ARHGEF26: variants seen among roughly 807,000 people sequenced by gnomAD.
The protein encoded by ARHGEF26 is Rho guanine nucleotide exchange factor (GEF) 26.
In ARHGEF26, 59 loss-of-function variants were observed where a neutral mutation model predicts 89.4. The ratio of observed to expected loss-of-function variants is 0.66; its 90% CI spans 0.54 to 0.82. ARHGEF26 has a LOEUF of 0.82. Ranked by LOEUF, ARHGEF26 falls within the 40% of genes least tolerant of loss-of-function variation. ARHGEF26 has a pLI of 0.00. For missense variants in ARHGEF26, 1,234 were observed against 1,085.6 expected (o/e 1.14, Z -1.92); for synonymous variants, 500 against 428.4 (o/e 1.17, Z -2.06).
intron 3 of ARHGEF26, among the ~76,000 whole-genome samples, chr3:154,125,151 T>G (rs1425785643): frequency 6.6e-6 from 1 of 152,132 alleles, no homozygotes; most frequent in Admixed American, 6.5e-5. Context: ...GTTAAATTTT[T>G]GTCATGTTTT....
chr3:154,227,311 T>A (rs1347542844), intron 11 of ARHGEF26, among the ~76,000 whole-genome samples: 6 of 151,524 alleles, frequency 4.0e-5, no homozygotes, highest in Non-Finnish European at 8.8e-5. Context: ...TTTTTTTTTT[T>A]TTGAGATAGA....
chr3:154,123,129 T>C, intron 2 of ARHGEF26, 54 bp downstream of exon 2: 1 of 1,600,556 alleles, frequency 6.2e-7, no homozygotes, highest in Non-Finnish European at 8.5e-7. Context: ...AGTAAATGTG[T>C]TGGGAGTGGG....
chr3:154,128,885 T>G (rs1718502091), intron 3 of ARHGEF26, among the ~76,000 whole-genome samples: 1 of 152,254 alleles, frequency 6.6e-6, no homozygotes, highest in Non-Finnish European at 1.5e-5. Context: ...TGTTTCTTCA[T>G]GACACTTATC....
chr3:154,130,602 G>C (rs996825164), intron 4 of ARHGEF26, among the ~76,000 whole-genome samples: 1 of 152,086 alleles, frequency 6.6e-6, no homozygotes, highest in Non-Finnish European at 1.5e-5. Flanking sequence ...GACACCTTTT[G>C]TTTTTTAACT....
At chr3:154,151,913 G>A (rs1446416524) in intron 5 of ARHGEF26, among the ~76,000 whole-genome samples, 1 of 152,160 alleles carries the variant, frequency 6.6e-6, no homozygotes, top group Non-Finnish European at 1.5e-5. Flanking sequence ...GGAAGGCTGT[G>A]AATCTTAGGC....
At chr3:154,216,041 C>T (rs1434412500) in intron 9 of ARHGEF26, among the ~76,000 whole-genome samples, 3 of 152,054 alleles carry the variant, frequency 2.0e-5, no homozygotes, top group Admixed American at 2.0e-4. Context: ...AAGTGTATGA[C>T]CCAGTCTGTT....
At chr3:154,162,328 TTAAG>T (rs772901371) in intron 6 of ARHGEF26, among the ~76,000 whole-genome samples, 7 of 151,900 alleles carry the variant, frequency 4.6e-5, no homozygotes, top group Non-Finnish European at 8.8e-5. Flanking sequence ...GGTTGATGAA[TTAAG>T]TTTCAAAAGC....
At chr3:154,213,270 G>A (rs1715504136) in intron 9 of ARHGEF26, among the ~76,000 whole-genome samples, 1 of 140,644 alleles carries the variant, frequency 7.1e-6, no homozygotes, top group Non-Finnish European at 1.6e-5. Flanking sequence ...TTTGTTCCAG[G>A]CCTAATATAT....
chr3:154,178,713 C>T (rs966499007), intron 6 of ARHGEF26, among the ~76,000 whole-genome samples: 9 of 151,970 alleles, frequency 5.9e-5, no homozygotes, highest in African/African-American at 1.7e-4. Context: ...TTTGTGCTTT[C>T]GATTTTTATT....
At position 154,166,397 on chromosome 3, in the gene ARHGEF26, A is replaced by G. The variant is rs1184149766; in HGVS notation, c.1487+13465A>G. Among the ~76,000 whole-genome samples, 3 of 152,120 alleles carry G rather than the reference A, an allele frequency of 2.0e-5. No individual in the cohort carries two copies. The East Asian group carries it at 5.8e-4, about 29-fold the overall frequency. ...AAGAGTTGCTAGAGGTAGCAAACAT[A>G]TGAATAACCTGAGGATAGGAAGGTA... On this transcript the variant is annotated intron_variant, in intron 6 of 14. Transcript: ENST00000465093.
At chr3:154,174,820 A>AT (rs143410771) in intron 6 of ARHGEF26, among the ~76,000 whole-genome samples, 24 of 151,350 alleles carry the variant, frequency 1.6e-4, no homozygotes, top group Non-Finnish European at 2.5e-4. Flanking sequence ...ATACATACTC[A>AT]TTTTTTTTTC....
At chr3:154,174,899 G>C (rs1014372005) in intron 6 of ARHGEF26, among the ~76,000 whole-genome samples, 20 of 151,948 alleles carry the variant, frequency 1.3e-4, no homozygotes, top group Admixed American at 5.2e-4. Context: ...CTTAAAATTA[G>C]AAAATATATA....
At chr3:154,204,180 C>A (rs1398172090) in intron 9 of ARHGEF26, among the ~76,000 whole-genome samples, 3 of 152,088 alleles carry the variant, frequency 2.0e-5, no homozygotes, top group Admixed American at 2.0e-4. Flanking sequence ...TTACTTGTTA[C>A]TGGTCTATTC....
intron 9 of ARHGEF26, among the ~76,000 whole-genome samples, chr3:154,198,331 GAAC>G (rs890790849): frequency 5.3e-5 from 8 of 152,062 alleles, no homozygotes; most frequent in Non-Finnish European, 1.0e-4. Context: ...ATTCCTTAAA[GAAC>G]TAAAAGTAGA....
rs183509647 is a variant in ARHGEF26, at chr3:154,222,447, C to T, written c.1936-3409C>T. Among the ~76,000 whole-genome samples the T allele has an allele frequency of 2.5e-3, 376 of 152,318 alleles. 2 individuals are homozygous for T. Among genetic ancestry groups the T allele is most frequent in the African/African-American group, 8.7e-3 (362 of 41,578 alleles). On this transcript the variant is annotated intron_variant, in intron 10 of 14. Transcript: ENST00000465093. ...GTTGCAGTAGAAGCTCCACCACTTACTAGCTGTACAACCTTGGGCATCACT... is the reference window on the plus strand; with the variant it reads ...GTTGCAGTAGAAGCTCCACCACTTATTAGCTGTACAACCTTGGGCATCACT...
At position 154,121,922 on chromosome 3, in the gene ARHGEF26, C is replaced by G. The variant is rs1717950771; in HGVS notation, c.-51-20C>G. 2.4e-5 allele frequency: 37 copies of G among 1,510,830 alleles called. No homozygotes were observed. The South Asian group carries it at 3.9e-4, about 16-fold the overall frequency. 93.6% of individuals were successfully genotyped at this position (1,510,830 alleles called of 1,614,324 possible). On this transcript the variant is annotated intron_variant, in intron 1 of 14. Coordinates refer to ENST00000465093, the MANE Select transcript of ARHGEF26 (RefSeq NM_015595.4). ...CCCGGTTGTCCAGAGGCACAGTTTC[C>G]TAACTTCTTTCCTCTTTAGGCAAGA...
chr3:154,161,553 A>T (rs998018598), intron 6 of ARHGEF26, among the ~76,000 whole-genome samples: 1 of 152,090 alleles, frequency 6.6e-6, no homozygotes, highest in Admixed American at 6.6e-5. Context: ...ATGTCTCTGG[A>T]TTTTGTATTT....
At chr3:154,234,599 T>G (rs915114965) in intron 11 of ARHGEF26, among the ~76,000 whole-genome samples, 1 of 152,168 alleles carries the variant, frequency 6.6e-6, no homozygotes, top group Non-Finnish European at 1.5e-5. Flanking sequence ...GATTAACCCA[T>G]TAATTTTTTT....
intron 6 of ARHGEF26, among the ~76,000 whole-genome samples, chr3:154,166,182 C>T (rs1359532321): frequency 1.3e-5 from 2 of 152,134 alleles, no homozygotes; most frequent in African/African-American, 4.8e-5. Flanking sequence ...ACTACTCCTA[C>T]TGGGACTACA....
Sources: gnomAD v4.1 joint callset for allele counts (sites outside exome capture counted in the v4.1 genomes callset) on GRCh38, gnomAD v4.1.1 for gene constraint, MANE v1.5 for transcripts, NCBI Gene and HGNC (gene_info 2026-07-23, HGNC 2026-07-21) for gene names.